Variants in ERC2 observed in about 807,000 individuals in gnomAD.
ERC2 encodes ERC protein 2.
A neutral mutation model predicts 114.8 loss-of-function variants in ERC2; 42 were observed. That is an observed-to-expected ratio of 0.37 (90% CI 0.29 to 0.47). ERC2 has a LOEUF of 0.47. Ranked by LOEUF, ERC2 falls within the 20% of genes least tolerant of loss-of-function variation. The pLI, the probability that ERC2 is intolerant of heterozygous loss-of-function variation, is 0.99. For missense variants in ERC2, 939 were observed against 1,150.7 expected, an observed-to-expected ratio of 0.82 and a Z score of 2.66; for synonymous variants, 454 against 425.5, an observed-to-expected ratio of 1.07 and a Z score of -0.82.
chr3:56,214,644 G>A (rs931207035), intron 3 of ERC2, among the ~76,000 whole-genome samples: 6 of 151,750 alleles, frequency 4.0e-5, no homozygotes, highest in African/African-American at 7.3e-5. Context: ...TACAGAGAAC[G>A]CCACAAAGAT....
intron 3 of ERC2, among the ~76,000 whole-genome samples, chr3:56,264,381 G>A (rs1428208830): frequency 6.6e-6 from 1 of 152,136 alleles, no homozygotes; most frequent in Non-Finnish European, 1.5e-5. Context: ...CAGATCACTT[G>A]AAGTCAGGAG....
intron 5 of ERC2, among the ~76,000 whole-genome samples, chr3:56,146,719 G>A (rs2081160541): frequency 6.6e-6 from 1 of 152,078 alleles, no homozygotes; most frequent in Non-Finnish European, 1.5e-5. Flanking sequence ...AGAATGTGTG[G>A]TCAAGTGACT....
intron 17 of ERC2, among the ~76,000 whole-genome samples, chr3:55,567,140 A>G (rs2056427003): frequency 1.3e-5 from 2 of 152,340 alleles, no homozygotes; most frequent in Admixed American, 1.3e-4. Flanking sequence ...CAAATATGCA[A>G]ACAAGATCCT....
At chr3:55,665,699 T>A (rs1336483647) in intron 17 of ERC2, among the ~76,000 whole-genome samples, 1 of 152,174 alleles carries the variant, frequency 6.6e-6, no homozygotes, top group East Asian at 1.9e-4. Flanking sequence ...GAACAAAGCC[T>A]GCAGAACCTT....
chr3:56,255,522 G>T (rs2150244817), intron 3 of ERC2, among the ~76,000 whole-genome samples: 1 of 152,238 alleles, frequency 6.6e-6, no homozygotes, highest in East Asian at 1.9e-4. Context: ...ATCTCCCTGG[G>T]CTGCCCTGGG....
intron 14 of ERC2, among the ~76,000 whole-genome samples, chr3:55,795,917 T>C (rs2149087527): frequency 6.6e-6 from 1 of 152,348 alleles, no homozygotes; most frequent in Non-Finnish European, 1.5e-5. Flanking sequence ...GGGACCAGAA[T>C]ACAGTCAGAG....
intron 14 of ERC2, among the ~76,000 whole-genome samples, 187 bp from the exon 15 acceptor site, chr3:55,735,105 C>T (rs767086662): frequency 2.0e-5 from 3 of 152,150 alleles, no homozygotes; most frequent in South Asian, 2.1e-4. Context: ...ATCCCTGAGA[C>T]TGCACACTGC....
At chr3:55,683,588 T>A (rs563489115) in intron 17 of ERC2, among the ~76,000 whole-genome samples, 1 of 152,148 alleles carries the variant, frequency 6.6e-6, no homozygotes, top group Admixed American at 6.5e-5. Flanking sequence ...GGCAGAGCAG[T>A]AATGTGGTTG....
At chr3:56,171,117 T>A (rs2082645965) in intron 4 of ERC2, among the ~76,000 whole-genome samples, 1 of 152,118 alleles carries the variant, frequency 6.6e-6, no homozygotes, top group African/African-American at 2.4e-5. Context: ...GACATTGATG[T>A]TTACCCAGGG....
intron 2 of ERC2, among the ~76,000 whole-genome samples, chr3:56,329,282 C>T (rs2057500997): frequency 6.6e-6 from 1 of 152,162 alleles, no homozygotes; most frequent in South Asian, 2.1e-4. Context: ...AATCTATAGG[C>T]TGTTGAGAAC....
At chr3:55,937,544 G>T (rs1294800816) in intron 13 of ERC2, among the ~76,000 whole-genome samples, 1 of 152,162 alleles carries the variant, frequency 6.6e-6, no homozygotes, top group East Asian at 1.9e-4. Flanking sequence ...GGAAGATAAG[G>T]TGCAGGGAAG....
chr3:55,600,857 T>C lies in ERC2; in HGVS notation c.*39+82937A>G, dbSNP rs551631797. 5.9e-5 allele frequency among the ~76,000 whole-genome samples: 9 copies of C among 152,316 alleles called. No individual in the cohort carries two copies. The East Asian group carries it at 1.4e-3, about 23-fold the overall frequency. On this transcript the variant is annotated intron_variant, in intron 17 of 17. Transcript: ENST00000288221. The stretch of plus-strand genomic sequence containing the variant: ...TGCAGTGCCTGGGCAAGTACCCACG[T>C]GGTTCTTATTGGCAGCCTGGGTGAT...
chr3:55,570,076 T>C (rs1201984551), intron 17 of ERC2, among the ~76,000 whole-genome samples: 1 of 152,032 alleles, frequency 6.6e-6, no homozygotes, highest in Non-Finnish European at 1.5e-5. Context: ...GCCAGGCTGG[T>C]CTTGAACTTT....
At chr3:56,119,836 C>A (rs1395962878) in intron 6 of ERC2, among the ~76,000 whole-genome samples, 1 of 152,172 alleles carries the variant, frequency 6.6e-6, no homozygotes, top group Non-Finnish European at 1.5e-5. Flanking sequence ...TATGACAGAG[C>A]TATAATTCAA....
chr3:56,421,465 C>G (rs1048477400), intron 2 of ERC2, among the ~76,000 whole-genome samples: 1 of 152,294 alleles, frequency 6.6e-6, no homozygotes, highest in African/African-American at 2.4e-5. Flanking sequence ...CTGACTGGAC[C>G]TAGAAGAGAC....
intron 17 of ERC2, among the ~76,000 whole-genome samples, chr3:55,654,411 A>G (rs1358995432): frequency 6.6e-6 from 1 of 152,244 alleles, no homozygotes; most frequent in Non-Finnish European, 1.5e-5. Flanking sequence ...CTTGTTTCAG[A>G]GCTGAAGTTT....
At chr3:55,917,761 C>T (rs1337783734) in intron 13 of ERC2, among the ~76,000 whole-genome samples, 3 of 152,242 alleles carry the variant, frequency 2.0e-5, no homozygotes, top group Non-Finnish European at 2.9e-5. Flanking sequence ...GAATGCTACA[C>T]TTTAAATGGT....
intron 2 of ERC2, among the ~76,000 whole-genome samples, chr3:56,430,436 A>C (rs2061743633): frequency 6.6e-6 from 1 of 152,170 alleles, no homozygotes; most frequent in Non-Finnish European, 1.5e-5. Context: ...TAATCATGCC[A>C]CTCCAAAGAG....
At chr3:55,536,433 C>T (rs1347711166) in intron 17 of ERC2, among the ~76,000 whole-genome samples, 2 of 152,164 alleles carry the variant, frequency 1.3e-5, no homozygotes, top group Non-Finnish European at 2.9e-5. Flanking sequence ...GACAGGGATC[C>T]TGCCTACTCG....
Sources: allele counts gnomAD v4.1 joint callset (sites outside exome capture counted in the v4.1 genomes callset), GRCh38; gene constraint gnomAD v4.1.1; transcripts MANE v1.5; gene names NCBI Gene and HGNC (gene_info 2026-07-23, HGNC 2026-07-21).